The following KCNC3 variants were observed in gnomAD, a reference collection of about 807,000 sequenced individuals.
The protein encoded by KCNC3 is voltage-gated potassium channel KCNC3.
Under a neutral mutation model 43.9 loss-of-function variants are expected in KCNC3, and 22 were observed. The observed-to-expected ratio is 0.50, with a 90% CI of 0.36 to 0.72. KCNC3 has a LOEUF of 0.72. Ranked by LOEUF, KCNC3 falls within the 30% of genes least tolerant of loss-of-function variation. KCNC3 has a pLI of 0.00. For missense variants in KCNC3, 829 were observed against 1,073.8 expected (o/e 0.77, Z 3.19); for synonymous variants, 492 against 488.0 (o/e 1.01, Z -0.11).
Position 50,329,276 on chromosome 19 carries a change from C to G in KCNC3, c.-194G>C, listed in dbSNP as rs556887744. The G allele has an allele frequency of 4.0e-6, 1 of 247,302 alleles. No individual in the cohort carries two copies. The highest frequency in any genetic ancestry group is 6.0e-5 in the Admixed American group (1 of 16,636). 15.3% of individuals were successfully genotyped at this position (247,302 alleles called of 1,614,324 possible). On this transcript the variant is annotated 5_prime_UTR_variant, in exon 1 of 5. Transcript: ENST00000477616. Reference sequence around the variant, plus strand: ...GTGGGGCGGGCACTCTAACGCGACCCAGCTGGACGAGTCGGGGCCGCCAAT... The same window carrying G: ...GTGGGGCGGGCACTCTAACGCGACCGAGCTGGACGAGTCGGGGCCGCCAAT...
chr19:50,320,658 C>A lies in KCNC3; in HGVS notation c.2105G>T (p.Ser702Ile), dbSNP rs750611092. 1.9e-5 allele frequency: 31 copies of A among 1,613,568 alleles called. No homozygotes were observed. In the East Asian group the frequency reaches 6.2e-4, roughly 32 times the overall value. The change falls in exon 3 of 5, where the codon AGC becomes ATC. Residue 702 changes from serine (S) to isoleucine (I), a missense_variant. Transcript: ENST00000477616. ...GAGGAGGAAGCAGGCTCGGTCCCGG[C>A]TATAGCGGCCACGGCTTCCAGGCGT... ...PITPGSRGRYSRDRACFLLTD... is the reference protein window; with the variant it reads ...PITPGSRGRYIRDRACFLLTD...
chr19:50,324,154 C>T lies in KCNC3; in HGVS notation c.871-72G>A. ...CAGGTTGGCCATAACATCCAGAAGACCCTTCCAGTGCCCCCTTCCCCAGCC... is the reference window on the plus strand; with the variant it reads ...CAGGTTGGCCATAACATCCAGAAGATCCTTCCAGTGCCCCCTTCCCCAGCC... On this transcript the variant is annotated intron_variant, in intron 1 of 4. Transcript: ENST00000477616. This position sits in a 1 kb window ranked among gnomAD's most constrained non-coding sequence, Gnocchi z 4.1. 2 of 1,447,456 alleles carry T rather than the reference C, an allele frequency of 1.4e-6. No homozygotes were observed. The highest frequency in any genetic ancestry group is 2.3e-5 in the East Asian group (1 of 43,436). The allele number at this position is 1,447,456 out of a possible 1,614,324, so 89.7% of individuals were successfully genotyped here. A position where few individuals can be genotyped will look rare whatever the true frequency, so the allele number is the denominator to read the frequency against.
chr19:50,328,732 C>A lies in KCNC3; in HGVS notation c.351G>T (p.Leu117=), dbSNP rs1415848261. The stretch of plus-strand genomic sequence containing the variant: ...AGCGTGCCGCCGCCTCGGGCTCCGT[C>A]AGGCCGGCCAGCCGCGTCCCCGGCA... ...RTLPGTRLAG[L]TEPEAAARFD... The change falls in exon 1 of 5, where the codon CTG becomes CTT. Residue 117 remains leucine, a synonymous_variant. Transcript: ENST00000477616. 6.3e-7 allele frequency: 1 copy of A among 1,595,530 alleles called. No individual in the cohort carries two copies. The highest frequency in any genetic ancestry group is 8.5e-7 in the Non-Finnish European group (1 of 1,171,800).
rs1365171910 is a variant in KCNC3 at position 50,314,150 on chromosome 19, G to A, written c.*1965C>T. 1 of 152,180 alleles carries A rather than the reference G, an allele frequency of 6.6e-6. No homozygotes were observed. Among genetic ancestry groups the A allele is most frequent in the Non-Finnish European group, 1.5e-5 (1 of 68,098 alleles). The allele number at this position is 152,180 out of a possible 1,614,324, so 9.4% of individuals were successfully genotyped here. On this transcript the variant is annotated 3_prime_UTR_variant, in exon 5 of 5. Coordinates refer to ENST00000477616, the MANE Select transcript of KCNC3 (RefSeq NM_004977.3). ...GATGAGAGGGTGAAATTCACCAGAG[G>A]AATTCTCCTAAAGGCTGAGGGAGCA... is the stretch of plus-strand genomic sequence containing the variant.
chr19:50,328,343 A>T lies in KCNC3; in HGVS notation c.740T>A (p.Phe247Tyr). ...GAGGELKRLC[F>Y]QDAGGGAGGP... The stretch of plus-strand genomic sequence containing the variant: ...CCCGGCGCCGCCGCCCGCGTCCTGG[A>T]AGCAGAGGCGCTTGAGCTCGCCGCC... Residue 247 changes from phenylalanine (F) to tyrosine (Y), a missense_variant, in exon 1 of 5, where the codon TTC (phenylalanine) becomes TAC (tyrosine). Physicochemically the swap from Phe to Tyr is conservative, Grantham distance 22 (BLOSUM62 3). Transcript: ENST00000477616. 1 of 1,164,194 alleles carries T rather than the reference A, an allele frequency of 8.6e-7. No homozygotes were observed. The highest frequency in any genetic ancestry group is 1.1e-6 in the Non-Finnish European group (1 of 947,488). The allele number at this position is 1,164,194 out of a possible 1,614,324, so 72.1% of individuals were successfully genotyped here. A position where few individuals can be genotyped will look rare whatever the true frequency, so the allele number is the denominator to read the frequency against.
intron 4 of KCNC3, among the ~76,000 whole-genome samples, chr19:50,319,402 C>T (rs1415186962): frequency 6.6e-6 from 1 of 152,186 alleles, no homozygotes; most frequent in Non-Finnish European, 1.5e-5. Flanking sequence ...CTGCCTCCTC[C>T]CCAAGCCCCT....
chr19:50,313,361 G>A lies in KCNC3; in HGVS notation c.*2754C>T, dbSNP rs933244896. 1.3e-5 allele frequency: 2 copies of A among 152,166 alleles called. No individual in the cohort carries two copies. The highest frequency in any genetic ancestry group is 4.8e-5 in the African/African-American group (2 of 41,440). The allele number at this position is 152,166 out of a possible 1,614,324, so 9.4% of individuals were successfully genotyped here. A position where few individuals can be genotyped will look rare whatever the true frequency, so the allele number is the denominator to read the frequency against. On this transcript the variant is annotated 3_prime_UTR_variant, in exon 5 of 5. Transcript: ENST00000477616. ...GAAACACTCTTAACCTAAATAAACCGTGTCCTAGCCAAGCAGCGATGCCTG... is the reference window on the plus strand; with the variant it reads ...GAAACACTCTTAACCTAAATAAACCATGTCCTAGCCAAGCAGCGATGCCTG...
rs2036890612 is a variant in KCNC3 at position 50,312,392 on chromosome 19, CTGGCCCG to C, written c.*3716_*3722del. ...CATTCCTCCCCAATCGCCCCGCCCCCTGGCCCGTGTCCGTGCGTTCCCGGAGCGCAGG... is the reference window on the plus strand; with the variant it reads ...CATTCCTCCCCAATCGCCCCGCCCCCTGTCCGTGCGTTCCCGGAGCGCAGG... On this transcript the variant is annotated 3_prime_UTR_variant, in exon 5 of 5. Coordinates refer to ENST00000477616, the MANE Select transcript of KCNC3 (RefSeq NM_004977.3). 6.6e-6 allele frequency: 1 copy of C among 152,420 alleles called. No homozygotes were observed. 9.4% of individuals were successfully genotyped at this position (152,420 alleles called of 1,614,324 possible).
Position 50,328,375 on chromosome 19 carries a change from G to A in KCNC3, c.708C>T (p.Asp236=), listed in dbSNP as rs1407338290. The change falls in exon 1 of 5, where the codon GAC becomes GAT. Residue 236 remains aspartate (D), a synonymous_variant. Coordinates refer to ENST00000477616, the MANE Select transcript of KCNC3 (RefSeq NM_004977.3). ...GGCGCTTGAGCTCGCCGCCCGCTCC[G>A]TCCAGGCCGCCGCCGCCCGCGCCCG... The part of the protein sequence containing the change: ...DEAGAGGGGL[D]GAGGELKRLC... 1.6e-6 allele frequency: 2 copies of A among 1,250,370 alleles called. No homozygotes were observed. Among genetic ancestry groups the A allele is most frequent in the African/African-American group, 1.6e-5 (1 of 62,656 alleles). The allele number at this position is 1,250,370 out of a possible 1,614,324, so 77.5% of individuals were successfully genotyped here.
At chr19:50,318,324 A>G (rs1157079168) in intron 4 of KCNC3, among the ~76,000 whole-genome samples, 2 of 151,704 alleles carry the variant, frequency 1.3e-5, no homozygotes, top group African/African-American at 4.8e-5. Flanking sequence ...ACAGGTGCCC[A>G]CCACCACGCA....
Position 50,320,287 on chromosome 19 carries a change from G to T in KCNC3, c.2233C>A (p.Pro745Thr). 2 of 1,012,630 alleles carry T rather than the reference G, an allele frequency of 2.0e-6. No individual in the cohort carries two copies. The highest frequency in any genetic ancestry group is 2.6e-6 in the Non-Finnish European group (2 of 762,768). 62.7% of individuals were successfully genotyped at this position (1,012,630 alleles called of 1,614,324 possible). Residue 745 changes from proline (P) to threonine (T), a missense_variant, in exon 4 of 5, where the codon CCC becomes ACC. Around this residue, in one of 7 missense-constraint regions of KCNC3, gnomAD observed 308 missense variants for 276.2 expected, o/e 1.11. Coordinates refer to ENST00000477616, the MANE Select transcript of KCNC3 (RefSeq NM_004977.3). Reference protein sequence around the residue: ...WRKPGPPSFLPDLNANAAAWI... With the variant: ...WRKPGPPSFLTDLNANAAAWI... ...GCCGCGGCGTTGGCGTTGAGGTCGG[G>T]CAAGAAGCTTGGGGGGCCTGGCTTA...
At chr19:50,330,990 A>G (rs1422448362), upstream of KCNC3, among the ~76,000 whole-genome samples, 2 of 151,972 alleles carry the variant, frequency 1.3e-5, no homozygotes, top group African/African-American at 2.4e-5. Flanking sequence ...CGGGCAGCAC[A>G]GTTTCTGGCC....
rs1298855464 is a variant in KCNC3, at chr19:50,323,634, G to A, written c.1319C>T (p.Thr440Met). 6.2e-7 allele frequency: 1 copy of A among 1,614,188 alleles called. No homozygotes were observed. Among genetic ancestry groups the A allele is most frequent in the Non-Finnish European group, 8.5e-7 (1 of 1,180,046 alleles). The change falls in exon 2 of 5, where the codon ACG becomes ATG. Residue 440 changes from threonine to methionine, a missense_variant. Around this residue, in one of 7 missense-constraint regions of KCNC3, gnomAD observed 157 missense variants for 293.5 expected, o/e 0.53. Transcript: ENST00000477616. ...HFVGLRVLGH[T>M]LRASTNEFLL... The stretch of plus-strand genomic sequence containing the variant: ...GAACTCGTTGGTGCTGGCGCGGAGC[G>A]TGTGTCCCAGCACGCGCAGCCCCAC...
chr19:50,328,519 G>A lies in KCNC3; in HGVS notation c.564C>T (p.Thr188=), dbSNP rs1266637676. Reference sequence around the variant, plus strand: ...CCTCAGCGTCGCGATGCTGCCGGTAGGTCATCCAGCAGCAGGCCTCCACGT... The same window carrying A: ...CCTCAGCGTCGCGATGCTGCCGGTAAGTCATCCAGCAGCAGGCCTCCACGT... ...ETDVEACCWM[T]YRQHRDAEEA... Residue 188 remains threonine, a synonymous_variant, in exon 1 of 5, where the codon ACC becomes ACT. Coordinates refer to ENST00000477616, the MANE Select transcript of KCNC3 (RefSeq NM_004977.3). 2 of 1,610,736 alleles carry A rather than the reference G, an allele frequency of 1.2e-6. No homozygotes were observed. Among genetic ancestry groups the A allele is most frequent in the East Asian group, 2.2e-5 (1 of 44,808 alleles).
rs915888176 is a variant in KCNC3, at chr19:50,328,933, C to T, written c.150G>A (p.Ala50=). The T allele has an allele frequency of 4.9e-6, 4 of 818,970 alleles. No homozygotes were observed. Among genetic ancestry groups the T allele is most frequent in the Non-Finnish European group, 5.9e-6 (4 of 679,744 alleles). 50.7% of individuals were successfully genotyped at this position (818,970 alleles called of 1,614,324 possible). A position where few individuals can be genotyped will look rare whatever the true frequency, so the allele number is the denominator to read the frequency against. The change falls in exon 1 of 5, where the codon GCG becomes GCA. Residue 50 remains alanine, a synonymous_variant. Transcript: ENST00000477616. ...GGGGTGCCGGGGGGCCCGCCGGGGA[C>T]GCGGCGGGGCCGGGCTGCGCAGGCT... ...QQQPAQPGPA[A]SPAGPPAPRG...
Position 50,328,959 on chromosome 19 carries a change from G to T in KCNC3, c.124C>A (p.Gln42Lys). Residue 42 changes from glutamine (Q) to lysine (K), a missense_variant, in exon 1 of 5, where the codon CAG becomes AAG. This residue lies in a region of KCNC3 where 129 missense variants were observed against 83.6 expected (regional missense o/e 1.54). Transcript: ENST00000477616. ...GCGGCGGGGCCGGGCTGCGCAGGCTGCTGCTGCTGCGGCGGCAGCGGTGGC... is the reference window on the plus strand; with the variant it reads ...GCGGCGGGGCCGGGCTGCGCAGGCTTCTGCTGCTGCGGCGGCAGCGGTGGC... ...PPPPLPPQQQQPAQPGPAASP... is the reference protein window; with the variant it reads ...PPPPLPPQQQKPAQPGPAASP... 1 of 937,434 alleles carries T rather than the reference G, an allele frequency of 1.1e-6. No homozygotes were observed. The highest frequency in any genetic ancestry group is 1.3e-6 in the Non-Finnish European group (1 of 756,810). 58.1% of individuals were successfully genotyped at this position (937,434 alleles called of 1,614,324 possible).
chr19:50,327,181 C>T (rs867742200), intron 1 of KCNC3, among the ~76,000 whole-genome samples: 150 of 151,630 alleles, frequency 9.9e-4, no homozygotes, highest in African/African-American at 3.5e-3. Flanking sequence ...GGAGAAGCTG[C>T]GAGGATCTAT....
At chr19:50,330,951 G>C (rs988147422), upstream of KCNC3, among the ~76,000 whole-genome samples, 3 of 152,040 alleles carry the variant, frequency 2.0e-5, no homozygotes, top group African/African-American at 4.8e-5. Context: ...GGGAGCGAAG[G>C]GGGCGGGTCA....
Position 50,315,649 on chromosome 19 carries a change from G to GT in KCNC3, c.*465_*466insA, listed in dbSNP as rs370834267. ...GATGAGAACTCCAGGAGCAGTGGGGGGGGGTGGGGGGGGAGGGAGGCTCCT... is the reference window on the plus strand; with the variant it reads ...GATGAGAACTCCAGGAGCAGTGGGGGTGGGGTGGGGGGGGAGGGAGGCTCCT... On this transcript the variant is annotated 3_prime_UTR_variant, in exon 5 of 5. Coordinates refer to ENST00000477616, the MANE Select transcript of KCNC3 (RefSeq NM_004977.3). 29,451 of 92,260 alleles carry GT rather than the reference G, an allele frequency of 0.32. 6,469 individuals carry two copies. The highest frequency in any genetic ancestry group is 0.83 in the East Asian group (2,032 of 2,454). The allele number at this position is 92,260 out of a possible 1,614,324, so 5.7% of individuals were successfully genotyped here.
Sources: gnomAD v4.1 joint callset for allele counts (sites outside exome capture counted in the v4.1 genomes callset) on GRCh38, gnomAD v4.1.1 for gene constraint, gnomAD v4.1.1 regional missense constraint, Gnocchi (gnomAD v3.1) non-coding constraint, MANE v1.5 for transcripts, NCBI Gene and HGNC (gene_info 2026-07-23, HGNC 2026-07-21) for gene names.